GNA15: variants seen among roughly 807,000 people sequenced by gnomAD.
GNA15 encodes the protein guanine nucleotide-binding protein subunit alpha-15.
In GNA15, 23 loss-of-function variants were observed where a neutral mutation model predicts 40.1. That is an observed-to-expected ratio of 0.57 (90% CI 0.41 to 0.81). The LOEUF is 0.81. Among genes scored for constraint, GNA15 ranks in the 40% least tolerant of loss-of-function variants. The probability of loss-of-function intolerance (pLI) is 0.00; values close to 1 mark genes in which losing one functional copy is unlikely to be tolerated. For missense variants in GNA15, 522 were observed against 515.8 expected (o/e 1.01, Z -0.12); for synonymous variants, 226 against 210.4 (o/e 1.07, Z -0.64).
Position 3,150,302 on chromosome 19 carries a change from C to A in GNA15, c.485+17C>A. On this transcript the variant is annotated intron_variant, in intron 3 of 6. Coordinates refer to ENST00000262958, the MANE Select transcript of GNA15 (RefSeq NM_002068.4). The stretch of plus-strand genomic sequence containing the variant: ...AGCCGTGTAGTGAGTCTGGGGTCTG[C>A]GGGGGATGGGCGCGTGGGGAGGGGC... 6.5e-7 allele frequency: 1 copy of A among 1,529,980 alleles called. No homozygotes were observed. Among genetic ancestry groups the A allele is most frequent in the Admixed American group, 1.9e-5 (1 of 52,698 alleles). 94.8% of individuals were successfully genotyped at this position (1,529,980 alleles called of 1,614,324 possible).
At chr19:3,148,973 G>A in intron 2 of GNA15, 198 bp downstream of exon 2, 2 of 584,790 alleles carry the variant, frequency 3.4e-6, no homozygotes, top group Admixed American at 3.1e-5. Flanking sequence ...GCACACACAA[G>A]TATACACGCA....
intron 6 of GNA15, among the ~76,000 whole-genome samples, chr19:3,160,979 G>C (rs986564677): frequency 7.9e-6 from 1 of 125,884 alleles, no homozygotes; most frequent in Non-Finnish European, 1.6e-5. Flanking sequence ...GTCTTGCTCT[G>C]TTGCCCAGGC....
In GNA15 at chr19:3,163,030, A is replaced by G. The variant is rs1229355216; in HGVS notation, c.*11A>G. On this transcript the variant is annotated 3_prime_UTR_variant, in exon 7 of 7. Coordinates refer to ENST00000262958, the MANE Select transcript of GNA15 (RefSeq NM_002068.4). ...ATCAACCTGCTGTGACCCAGGCCCC[A>G]CCTGGGGCAGGCGGCACCGGCGGGC... is the stretch of plus-strand genomic sequence containing the variant. 1.3e-6 allele frequency: 2 copies of G among 1,579,926 alleles called. No individual in the cohort carries two copies. Among genetic ancestry groups the G allele is most frequent in the African/African-American group, 2.7e-5 (2 of 74,188 alleles).
chr19:3,155,752 C>G lies in GNA15; in HGVS notation c.615-71C>G. 6.5e-7 allele frequency: 1 copy of G among 1,545,088 alleles called. No individual in the cohort carries two copies. Among genetic ancestry groups the G allele is most frequent in the Non-Finnish European group, 8.8e-7 (1 of 1,141,296 alleles). ...ATTATGGATCTTGGCATATCCCAGACGTGATGGGGGTTGGGGGTGTCACGG... is the reference window on the plus strand; with the variant it reads ...ATTATGGATCTTGGCATATCCCAGAGGTGATGGGGGTTGGGGGTGTCACGG... On this transcript the variant is annotated intron_variant, in intron 4 of 6. Transcript: ENST00000262958. The surrounding 1 kb of genome is among the most constrained non-coding windows in gnomAD (Gnocchi z 5.6).
At chr19:3,143,438 G>T (rs1225653589) in intron 1 of GNA15, among the ~76,000 whole-genome samples, 1 of 152,002 alleles carries the variant, frequency 6.6e-6, no homozygotes, top group Non-Finnish European at 1.5e-5. Context: ...GATCCCTTGA[G>T]GCCAGGAGTT....
chr19:3,149,012 C>G (rs952797999), intron 2 of GNA15: 5 of 528,646 alleles, frequency 9.5e-6, no homozygotes, highest in South Asian at 4.7e-5. Context: ...TGTATGCACA[C>G]GCACAGACAT....
Position 3,148,606 on chromosome 19 carries a change from G to A in GNA15, c.161G>A (p.Gly54Glu). Residue 54 changes from glycine to glutamate, a missense_variant, in exon 2 of 7, where the codon GGG (glycine) becomes GAG (glutamate). By Grantham distance (98) the Gly-to-Glu change is moderately conservative. Transcript: ENST00000262958. The stretch of plus-strand genomic sequence containing the variant: ...CCATCCCCAGGCCCAGGCGAGAGCG[G>A]GAAGAGCACCTTCATCAAGCAGATG... ...KLLLLGPGESGKSTFIKQMRI... is the reference protein window; with the variant it reads ...KLLLLGPGESEKSTFIKQMRI... 6.3e-7 allele frequency: 1 copy of A among 1,582,084 alleles called. No individual in the cohort carries two copies. Among genetic ancestry groups the A allele is most frequent in the African/African-American group, 1.3e-5 (1 of 74,348 alleles).
chr19:3,139,598 CAAA>C (rs35737557), intron 1 of GNA15, among the ~76,000 whole-genome samples: 1,097 of 105,324 alleles, frequency 0.01, 10 homozygotes, highest in African/African-American at 0.035. Context: ...GACTCTGTCT[CAAA>C]AAAAAAAAAA....
chr19:3,159,771 A>G (rs11880198), intron 6 of GNA15, among the ~76,000 whole-genome samples: 26,954 of 152,214 alleles, frequency 0.18, 2,576 homozygotes, highest in African/African-American at 0.2. Flanking sequence ...TCTTTTAATT[A>G]CATATGAATC....
chr19:3,162,851 G>A lies in GNA15; in HGVS notation c.957G>A (p.Met319Ile). Residue 319 changes from methionine to isoleucine, a missense_variant, in exon 7 of 7, where the codon ATG (methionine) becomes ATA (isoleucine). Coordinates refer to ENST00000262958, the MANE Select transcript of GNA15 (RefSeq NM_002068.4). The part of the protein sequence containing the change: ...KRFILDMYTR[M>I]YTGCVDGPEG... ...TCATCCTGGACATGTACACGAGGAT[G>A]TACACCGGGTGCGTGGACGGCCCCG... 1.2e-6 allele frequency: 2 copies of A among 1,614,084 alleles called. No individual in the cohort carries two copies. The highest frequency in any genetic ancestry group is 8.5e-7 in the Non-Finnish European group (1 of 1,179,990).
intron 6 of GNA15, among the ~76,000 whole-genome samples, chr19:3,159,346 CT>C (rs112224395): frequency 0.14 from 16,310 of 114,886 alleles, 899 homozygotes; most frequent in Admixed American, 0.15. Flanking sequence ...AATTTCTTTT[CT>C]TTTTTTTTTT....
In GNA15 at chr19:3,151,008, G is replaced by A. The variant is rs773857572; in HGVS notation, c.486-699G>A. On this transcript the variant is annotated intron_variant, in intron 3 of 6. Coordinates refer to ENST00000262958, the MANE Select transcript of GNA15 (RefSeq NM_002068.4). The surrounding 1 kb of genome is among the most constrained non-coding windows in gnomAD (Gnocchi z 5.0). The stretch of plus-strand genomic sequence containing the variant: ...CTAGGGGTGATCCTGTTCCTGGGGG[G>A]ACTGTATTCCTAGAGTGACCCTGTT... 2.0e-5 allele frequency among the ~76,000 whole-genome samples: 3 copies of A among 149,408 alleles called. No homozygotes were observed. Among genetic ancestry groups the A allele is most frequent in the African/African-American group, 4.9e-5 (2 of 40,492 alleles).
intron 1 of GNA15, among the ~76,000 whole-genome samples, chr19:3,140,961 C>A (rs917138159): frequency 1.3e-5 from 2 of 152,206 alleles, no homozygotes. Context: ...TGGTTTAAAC[C>A]ACCTCATCCC....
In GNA15 at chr19:3,138,085, G is replaced by A. The variant is rs1234524495; in HGVS notation, c.145+1490G>A. ...TCGAAATCAGCCTGGTCAACGTGGC[G>A]AAACCCCGTCTCTACTCAAAATACA... On this transcript the variant is annotated intron_variant, in intron 1 of 6. Transcript: ENST00000262958. Among the ~76,000 whole-genome samples, 5 of 151,758 alleles carry A rather than the reference G, an allele frequency of 3.3e-5. No homozygotes were observed. The East Asian group carries it at 5.8e-4, about 18-fold the overall frequency.
At position 3,148,789 on chromosome 19, in the gene GNA15, G is replaced by C; in HGVS notation, c.330+14G>C. The C allele has an allele frequency of 6.3e-7, 1 of 1,577,188 alleles. No individual in the cohort carries two copies. Among genetic ancestry groups the C allele is most frequent in the East Asian group, 2.3e-5 (1 of 43,674 alleles). On this transcript the variant is annotated intron_variant, in intron 2 of 6. Transcript: ENST00000262958. ...CCCGAGAGCAAGGTGAGCCGCCAGG[G>C]CAGGCAGGGGCCCAGGGCAGGCAGG...
At chr19:3,153,428 G>T (rs551405532) in intron 4 of GNA15, among the ~76,000 whole-genome samples, 6 of 151,744 alleles carry the variant, frequency 4.0e-5, no homozygotes, top group Non-Finnish European at 8.8e-5. Context: ...GTGGATGGAT[G>T]AATGGATGGA....
chr19:3,162,836 C>T lies in GNA15; in HGVS notation c.942C>T (p.Asp314=). The T allele has an allele frequency of 1.2e-6, 2 of 1,613,926 alleles. No homozygotes were observed. Among genetic ancestry groups the T allele is most frequent in the Non-Finnish European group, 8.5e-7 (1 of 1,179,880 alleles). The part of the protein sequence containing the change: ...DAEAAKRFIL[D]MYTRMYTGCV... ...AGGCAGCCAAGAGGTTCATCCTGGA[C>T]ATGTACACGAGGATGTACACCGGGT... Residue 314 remains aspartate (D), a synonymous_variant, in exon 7 of 7, where the codon GAC becomes GAT. Transcript: ENST00000262958.
At chr19:3,149,083 A>C in intron 2 of GNA15, 1 of 359,498 alleles carries the variant, frequency 2.8e-6, no homozygotes, top group Non-Finnish European at 5.2e-6. Context: ...ACATGCACAC[A>C]CCCACACACA....
rs151274073 is a variant in GNA15 at position 3,151,078 on chromosome 19, C to G, written c.486-629C>G. Among the ~76,000 whole-genome samples, 1 of 151,880 alleles carries G rather than the reference C, an allele frequency of 6.6e-6. No individual in the cohort carries two copies. The highest frequency in any genetic ancestry group is 1.5e-5 in the Non-Finnish European group (1 of 67,842). ...TGGGGGGACCTTGTTCCTGGGGGAA[C>G]CCTATTCCTAGAGAACCCTGTTCCC... On this transcript the variant is annotated intron_variant, in intron 3 of 6. Transcript: ENST00000262958. The surrounding 1 kb of genome is among the most constrained non-coding windows in gnomAD (Gnocchi z 5.0).
Sources: gnomAD v4.1 joint callset for allele counts (sites outside exome capture counted in the v4.1 genomes callset) on GRCh38, gnomAD v4.1.1 for gene constraint, Gnocchi (gnomAD v3.1) non-coding constraint, MANE v1.5 for transcripts, NCBI Gene and HGNC (gene_info 2026-07-23, HGNC 2026-07-21) for gene names.